Variants in CDYL2 observed in about 807,000 individuals in gnomAD.
CDYL2 encodes chromodomain Y like 2, also known as chromodomain Y-like protein 2.
A neutral mutation model predicts 49.4 loss-of-function variants in CDYL2; 23 were observed. The ratio of observed to expected loss-of-function variants is 0.47; its 90% CI spans 0.34 to 0.66. The LOEUF (loss-of-function observed/expected upper bound fraction) is 0.66. CDYL2 is among the 30% of genes least tolerant of loss of function. CDYL2 has a pLI of 0.01. For synonymous variants in CDYL2, 360 were observed against 268.8 expected, an observed-to-expected ratio of 1.34 and a Z score of -3.32; for missense variants, 678 against 656.4, an observed-to-expected ratio of 1.03 and a Z score of -0.36.
At chr16:80,617,121 C>G (rs780613058) in intron 4 of CDYL2, among the ~76,000 whole-genome samples, 15 of 152,228 alleles carry the variant, frequency 9.9e-5, no homozygotes. Context: ...GCCTTCTGAA[C>G]AATTCACCTG....
At chr16:80,779,204 T>G (rs1342001403) in intron 1 of CDYL2, among the ~76,000 whole-genome samples, 1 of 151,906 alleles carries the variant, frequency 6.6e-6, no homozygotes, top group Non-Finnish European at 1.5e-5. Context: ...CTTTAAAAAA[T>G]CCACAATAGG....
chr16:80,678,022 A>C (rs933153667), intron 2 of CDYL2, among the ~76,000 whole-genome samples: 4 of 151,866 alleles, frequency 2.6e-5, no homozygotes, highest in African/African-American at 7.2e-5. Flanking sequence ...AGGATTCCCT[A>C]TTTAATAAAT....
At chr16:80,747,532 G>T (rs548370286) in intron 1 of CDYL2, among the ~76,000 whole-genome samples, 5 of 152,190 alleles carry the variant, frequency 3.3e-5, no homozygotes, top group South Asian at 2.1e-4. Context: ...AGGGATTGTT[G>T]TTACCAATGT....
intron 1 of CDYL2, among the ~76,000 whole-genome samples, chr16:80,709,559 C>T (rs8049492): frequency 0.22 from 30,925 of 141,202 alleles, 5,364 homozygotes; most frequent in African/African-American, 0.47. Context: ...CAGGAATAAA[C>T]AGACACACAC....
rs533550381 is a variant in CDYL2, at chr16:80,668,278, T to C, written c.616+16260A>G. Reference sequence around the variant, plus strand: ...AAGGTGTTCTCACCACCTTCAATCTTTACTCGGATGTCAACTTGGTGAGGC... The same window carrying C: ...AAGGTGTTCTCACCACCTTCAATCTCTACTCGGATGTCAACTTGGTGAGGC... On this transcript the variant is annotated intron_variant, in intron 2 of 6. Coordinates refer to ENST00000570137, the MANE Select transcript of CDYL2 (RefSeq NM_152342.4). 9.2e-4 allele frequency among the ~76,000 whole-genome samples: 140 copies of C among 152,282 alleles called. 1 individual carries two copies. The highest frequency in any genetic ancestry group is 2.9e-3 in the African/African-American group (122 of 41,556).
intron 5 of CDYL2, among the ~76,000 whole-genome samples, chr16:80,610,310 G>A (rs1218474533): frequency 6.6e-6 from 1 of 152,152 alleles, no homozygotes; most frequent in East Asian, 1.9e-4. Flanking sequence ...TTGCCTAGGT[G>A]CAACAGCCAC....
chr16:80,778,292 A>T (rs2316579), intron 1 of CDYL2, among the ~76,000 whole-genome samples: 1 of 151,792 alleles, frequency 6.6e-6, no homozygotes, highest in Non-Finnish European at 1.5e-5. Context: ...GCATTTCTGA[A>T]AATTCTAGCT....
At chr16:80,658,011 T>C (rs968087720) in intron 2 of CDYL2, among the ~76,000 whole-genome samples, 15 of 150,810 alleles carry the variant, frequency 9.9e-5, no homozygotes, top group African/African-American at 2.9e-4. Context: ...GTTTACACAG[T>C]ATACATTCCA....
chr16:80,721,616 G>A (rs912635563), intron 1 of CDYL2, among the ~76,000 whole-genome samples: 1 of 152,248 alleles, frequency 6.6e-6, no homozygotes, highest in Admixed American at 6.5e-5. Flanking sequence ...TATCTAGCAC[G>A]TGATCCACCA....
At chr16:80,622,354 T>C (rs563400964) in intron 3 of CDYL2, among the ~76,000 whole-genome samples, 16 of 152,172 alleles carry the variant, frequency 1.1e-4, no homozygotes, top group African/African-American at 3.9e-4. Flanking sequence ...CCTTGTGGGG[T>C]TGCCCAGGCT....
intron 1 of CDYL2, among the ~76,000 whole-genome samples, chr16:80,692,767 G>C (rs1412257971): frequency 6.6e-6 from 1 of 152,184 alleles, no homozygotes; most frequent in East Asian, 1.9e-4. Flanking sequence ...ATGAAGAAGA[G>C]TGAAAACTTA....
chr16:80,642,730 T>G (rs1183610507), intron 2 of CDYL2, among the ~76,000 whole-genome samples: 2 of 152,128 alleles, frequency 1.3e-5, no homozygotes, highest in Non-Finnish European at 2.9e-5. Context: ...GTGGAAACCC[T>G]TGATAAAACC....
intron 1 of CDYL2, among the ~76,000 whole-genome samples, chr16:80,764,514 A>C (rs16953966): frequency 0.11 from 17,350 of 152,214 alleles, 1,133 homozygotes; most frequent in South Asian, 0.21. Context: ...GAAAAGAGAC[A>C]ATCATTATCA....
chr16:80,715,065 T>G (rs1904750364), intron 1 of CDYL2, among the ~76,000 whole-genome samples: 1 of 152,086 alleles, frequency 6.6e-6, no homozygotes, highest in Non-Finnish European at 1.5e-5. Flanking sequence ...TGAGCGGACA[T>G]GCCTTACTCA....
chr16:80,645,888 G>T (rs1908318310), intron 2 of CDYL2, among the ~76,000 whole-genome samples: 1 of 148,576 alleles, frequency 6.7e-6, no homozygotes, highest in Non-Finnish European at 1.5e-5. Context: ...CTCAAGGACA[G>T]AAAACCAAAC....
At chr16:80,615,934 C>A (rs1420007320) in intron 4 of CDYL2, among the ~76,000 whole-genome samples, 2 of 152,172 alleles carry the variant, frequency 1.3e-5, no homozygotes, top group Non-Finnish European at 2.9e-5. Flanking sequence ...TATTGCATTA[C>A]GGGCCCTGCA....
At chr16:80,645,334 A>G (rs906009293) in intron 2 of CDYL2, among the ~76,000 whole-genome samples, 4 of 151,920 alleles carry the variant, frequency 2.6e-5, no homozygotes, top group Non-Finnish European at 4.4e-5. Flanking sequence ...GGATATGAAC[A>G]CACACTTCTC....
chr16:80,602,002 T>C lies in CDYL2; in HGVS notation c.*2386A>G, dbSNP rs1398289382. 1 of 152,158 alleles carries C rather than the reference T, an allele frequency of 6.6e-6. No individual in the cohort carries two copies. The highest frequency in any genetic ancestry group is 1.9e-4 in the East Asian group (1 of 5,186). The allele number at this position is 152,158 out of a possible 1,614,324, so 9.4% of individuals were successfully genotyped here. A position where few individuals can be genotyped will look rare whatever the true frequency, so the allele number is the denominator to read the frequency against. On this transcript the variant is annotated 3_prime_UTR_variant, in exon 7 of 7. Coordinates refer to ENST00000570137, the MANE Select transcript of CDYL2 (RefSeq NM_152342.4). ...GAATTTCTAAACATCCCCTTCCATG[T>C]CCAAGGAGAATCCTGACCCCACTTC...
intron 1 of CDYL2, among the ~76,000 whole-genome samples, chr16:80,698,939 T>C (rs1024436313): frequency 2.0e-5 from 3 of 151,834 alleles, no homozygotes; most frequent in Non-Finnish European, 2.9e-5. Context: ...ACCAGGAAAA[T>C]GCAAATCAAA....
Sources: gnomAD v4.1 joint callset for allele counts (sites outside exome capture counted in the v4.1 genomes callset) on GRCh38, gnomAD v4.1.1 for gene constraint, MANE v1.5 for transcripts, NCBI Gene and HGNC (gene_info 2026-07-23, HGNC 2026-07-21) for gene names.